Variants in CCDC171 observed in about 807,000 individuals in gnomAD.
The protein encoded by CCDC171 is coiled-coil domain containing 171.
CCDC171 carries 177 observed loss-of-function variants against 168.2 expected under a neutral mutation model. That is an observed-to-expected ratio of 1.05 (90% confidence interval 0.93 to 1.19). The LOEUF is 1.19. Among genes scored for constraint, CCDC171 ranks in the 50% most tolerant of loss-of-function variants. CCDC171 has a pLI of 0.00. For missense variants in CCDC171, 1,991 were observed against 1,539.0 expected, an observed-to-expected ratio of 1.29 and a Z score of -4.91; for synonymous variants, 687 against 540.8, an observed-to-expected ratio of 1.27 and a Z score of -3.75.
the CCDC171 span, among the ~76,000 whole-genome samples, chr9:16,068,659 G>A: frequency 1.3e-5 from 2 of 151,850 alleles, no homozygotes; most frequent in African/African-American, 4.8e-5. Context: ...AGAAGCAAAC[G>A]AGTGAATCTA....
chr9:15,750,577 G>T (rs891544357), intron 18 of CCDC171, among the ~76,000 whole-genome samples: 1 of 151,772 alleles, frequency 6.6e-6, no homozygotes, highest in Admixed American at 6.6e-5. Context: ...ATAAAATACT[G>T]GCAAACCGAA....
At chr9:15,808,137 G>A (rs562200286) in intron 21 of CCDC171, among the ~76,000 whole-genome samples, 1 of 152,076 alleles carries the variant, frequency 6.6e-6, no homozygotes, top group South Asian at 2.1e-4. Flanking sequence ...TGTGAAGCTG[G>A]CAAACTCATA....
intron 4 of CCDC171, chr9:15,588,259 G>T (rs149906326): frequency 2.6e-3 from 424 of 165,208 alleles, no homozygotes; most frequent in South Asian, 0.017. Flanking sequence ...TATGGAAGCA[G>T]TGGGAAGAAG....
chr9:15,691,546 T>TATATATATA (rs1554762228), intron 10 of CCDC171, among the ~76,000 whole-genome samples: 6,412 of 106,130 alleles, frequency 0.06, 378 homozygotes, highest in African/African-American at 0.078. Context: ...TATATGTTTT[T>TATATATATA]TATATATATA....
chr9:15,588,513 G>T, intron 4 of CCDC171: 2 of 344,022 alleles, frequency 5.8e-6, no homozygotes, highest in East Asian at 8.6e-5. Flanking sequence ...GGTACCCAAA[G>T]GGAAAAGCTG....
At chr9:15,918,948 A>G (rs978888304) in intron 24 of CCDC171, among the ~76,000 whole-genome samples, 1 of 151,702 alleles carries the variant, frequency 6.6e-6, no homozygotes, top group African/African-American at 2.4e-5. Flanking sequence ...TCAAGCAGTC[A>G]TTCAAACAAG....
downstream of CCDC171, among the ~76,000 whole-genome samples, chr9:15,975,998 C>T (rs1001670264): frequency 6.6e-6 from 1 of 151,968 alleles, no homozygotes; most frequent in Non-Finnish European, 1.5e-5. Flanking sequence ...AAAGGTGATA[C>T]GATGATGGAA....
the CCDC171 span, among the ~76,000 whole-genome samples, chr9:16,108,634 A>G: frequency 6.6e-6 from 1 of 152,210 alleles, no homozygotes; most frequent in East Asian, 1.9e-4. Flanking sequence ...CATCACATGT[A>G]TGAATATACT....
intron 7 of CCDC171, among the ~76,000 whole-genome samples, chr9:15,655,179 T>TA (rs59228759): frequency 2.0e-5 from 3 of 149,508 alleles, no homozygotes; most frequent in African/African-American, 2.4e-5. Flanking sequence ...ACTTAAAGTA[T>TA]AAAAAAAAAA....
the CCDC171 span, among the ~76,000 whole-genome samples, chr9:16,101,832 T>G: frequency 6.6e-6 from 1 of 152,186 alleles, no homozygotes; most frequent in African/African-American, 2.4e-5. Context: ...AACTGGGTTC[T>G]GCCAACAACC....
At chr9:16,098,414 G>A in the CCDC171 span, among the ~76,000 whole-genome samples, 1 of 152,180 alleles carries the variant, frequency 6.6e-6, no homozygotes, top group Non-Finnish European at 1.5e-5. Context: ...GTGAATAAGA[G>A]CTGCTATTTA....
chr9:15,621,628 A>T (rs901979914), intron 6 of CCDC171, among the ~76,000 whole-genome samples: 1 of 152,210 alleles, frequency 6.6e-6, no homozygotes, highest in Non-Finnish European at 1.5e-5. Context: ...GTCAAAAAAT[A>T]ACAGATGCTG....
intron 8 of CCDC171, among the ~76,000 whole-genome samples, chr9:15,658,206 G>A (rs1214968045): frequency 6.6e-6 from 1 of 152,180 alleles, no homozygotes; most frequent in Non-Finnish European, 1.5e-5. Context: ...AGATAATGGT[G>A]GGAAGGCATG....
At chr9:15,584,177 T>G (rs1220865539) in intron 4 of CCDC171, among the ~76,000 whole-genome samples, 1 of 152,252 alleles carries the variant, frequency 6.6e-6, no homozygotes, top group African/African-American at 2.4e-5. Flanking sequence ...TGTTAAGGTA[T>G]AATTTTGTAA....
chr9:15,966,479 A>G (rs1181570095), intron 25 of CCDC171, among the ~76,000 whole-genome samples: 1 of 152,224 alleles, frequency 6.6e-6, no homozygotes, highest in African/African-American at 2.4e-5. Context: ...GATCCAATCA[A>G]TCTTCCACAT....
At chr9:15,775,277 A>T (rs2057258143) in intron 18 of CCDC171, among the ~76,000 whole-genome samples, 1 of 152,232 alleles carries the variant, frequency 6.6e-6, no homozygotes, top group South Asian at 2.1e-4. Context: ...TTGCAGAATT[A>T]TATTGTCATT....
rs755082118 is a variant in CCDC171, at chr9:15,594,133, A to G, written c.636A>G (p.Gln212=). The G allele has an allele frequency of 4.7e-6, 7 of 1,483,388 alleles. No individual in the cohort carries two copies. The South Asian group carries it at 8.1e-5, about 17-fold the overall frequency. The allele number at this position is 1,483,388 out of a possible 1,614,324, so 91.9% of individuals were successfully genotyped here. A position where few individuals can be genotyped will look rare whatever the true frequency, so the allele number is the denominator to read the frequency against. The change falls in exon 6 of 26, where the codon CAA becomes CAG. Residue 212 remains glutamine (Q), a synonymous_variant. Transcript: ENST00000380701. ...AGGAGTTTAGATTACAAGAAGAACA[A>G]TGGGAAGCAGAAAGAAGAGAATTAC... is the stretch of plus-strand genomic sequence containing the variant. ...ALEEFRLQEE[Q]WEAERRELQF... is the part of the protein sequence containing the mutation.
intron 6 of CCDC171, 125 bp from the exon 7 acceptor site, chr9:15,623,142 T>C (rs1587486586): frequency 1.8e-6 from 1 of 561,914 alleles, no homozygotes; most frequent in Non-Finnish European, 2.9e-6. Context: ...CTCTTTTGCC[T>C]ATATAAATTA....
chr9:16,090,237 G>A, the CCDC171 span, among the ~76,000 whole-genome samples: 7 of 152,182 alleles, frequency 4.6e-5, no homozygotes, highest in African/African-American at 1.7e-4. Context: ...ATATGAAGCA[G>A]CCATATAAAA....
Sources: gnomAD v4.1 joint callset for allele counts (sites outside exome capture counted in the v4.1 genomes callset) on GRCh38, gnomAD v4.1.1 for gene constraint, MANE v1.5 for transcripts, NCBI Gene and HGNC (gene_info 2026-07-23, HGNC 2026-07-21) for gene names.